The following ATP8A1 variants were observed in gnomAD, a reference collection of about 807,000 sequenced individuals.
ATP8A1 encodes phospholipid-transporting ATPase IA.
A neutral mutation model predicts 177.7 loss-of-function variants in ATP8A1; 90 were observed. The observed-to-expected ratio is 0.51, with a 90% CI of 0.43 to 0.60. ATP8A1 has a LOEUF of 0.60. Among genes scored for constraint, ATP8A1 ranks in the 20% least tolerant of loss-of-function variants. The pLI, the probability that ATP8A1 is intolerant of heterozygous loss-of-function variation, is 0.00. For synonymous variants in ATP8A1, 493 were observed against 485.9 expected, an observed-to-expected ratio of 1.01 and a Z score of -0.19; for missense variants, 1,072 against 1,392.8, an observed-to-expected ratio of 0.77 and a Z score of 3.67.
chr4:42,544,957 C>T lies in ATP8A1; in HGVS notation c.1653-971G>A, dbSNP rs939783601. On this transcript the variant is annotated intron_variant, in intron 19 of 36. Coordinates refer to ENST00000381668, the MANE Select transcript of ATP8A1 (RefSeq NM_006095.2). ...CGGGCGGATCACAAGGTCAGGAGTT[C>T]GAGATCAGCCTGACCAACATGGTGA... is the stretch of plus-strand genomic sequence containing the variant. 3.3e-5 allele frequency among the ~76,000 whole-genome samples: 5 copies of T among 151,910 alleles called. No individual in the cohort carries two copies. The East Asian group carries it at 5.8e-4, about 18-fold the overall frequency.
At chr4:42,540,523 A>G (rs966093684) in intron 20 of ATP8A1, among the ~76,000 whole-genome samples, 5 of 151,350 alleles carry the variant, frequency 3.3e-5, no homozygotes, top group African/African-American at 1.2e-4. Context: ...ATATGGAATT[A>G]ACTTAAGTGT....
In ATP8A1 at chr4:42,564,973, C is replaced by T. The variant is rs538049863; in HGVS notation, c.1340+4188G>A. 3.1e-4 allele frequency among the ~76,000 whole-genome samples: 47 copies of T among 152,250 alleles called. No homozygotes were observed. The South Asian group carries it at 3.9e-3, about 13-fold the overall frequency. ...TCTCGTGACAGTGAATTAAGTCTCA[C>T]GAGATCTTATGGTTATTATAAGGGG... On this transcript the variant is annotated intron_variant, in intron 15 of 36. Coordinates refer to ENST00000381668, the MANE Select transcript of ATP8A1 (RefSeq NM_006095.2).
chr4:42,594,358 T>C, intron 6 of ATP8A1: 3 of 1,570,532 alleles, frequency 1.9e-6, no homozygotes, highest in Non-Finnish European at 2.6e-6. Context: ...ATCTCCAACA[T>C]TTACCTGAAA....
chr4:42,624,391 T>G, intron 4 of ATP8A1, 145 bp downstream of exon 4: 1 of 436,410 alleles, frequency 2.3e-6, no homozygotes, highest in Non-Finnish European at 4.1e-6. Context: ...ACTTCAGGGA[T>G]AGGAACATAT....
chr4:42,578,386 A>G lies in ATP8A1; in HGVS notation c.1002T>C (p.Tyr334=). The change falls in exon 12 of 37, where the codon TAT becomes TAC. Residue 334 remains tyrosine (Y), a splice_region_variant and synonymous_variant. Transcript: ENST00000381668. ...TCAGTCCAAAATTACTAGCGCCACC[A>G]TCTGTTGGGAGAGGCAGGAAGAACG... ...SGKDWYLNLN[Y]GGASNFGLNF... 6.2e-7 allele frequency: 1 copy of G among 1,610,980 alleles called. No individual in the cohort carries two copies. The highest frequency in any genetic ancestry group is 1.1e-5 in the South Asian group (1 of 90,446).
At chr4:42,627,229 G>T in intron 1 of ATP8A1, 120 bp from the exon 2 acceptor site, 1 of 649,914 alleles carries the variant, frequency 1.5e-6, no homozygotes, top group South Asian at 2.1e-5. Context: ...CTTAACTGTT[G>T]TTTCTTTTAT....
intron 20 of ATP8A1, among the ~76,000 whole-genome samples, chr4:42,531,886 A>G (rs947533440): frequency 6.6e-6 from 1 of 152,164 alleles, no homozygotes; most frequent in African/African-American, 2.4e-5. Flanking sequence ...TGGGAGGCTG[A>G]GGTAGGCATT....
At chr4:42,624,676 A>G (rs1211994722) in intron 3 of ATP8A1, 42 bp from the exon 4 acceptor site, 1 of 1,106,012 alleles carries the variant, frequency 9.0e-7, no homozygotes, top group East Asian at 2.7e-5. Flanking sequence ...AATGAGAACT[A>G]GAAAATTTAT....
intron 2 of ATP8A1, chr4:42,626,493 TACTTTTTACATTA>T (rs1738106667): frequency 6.4e-6 from 1 of 155,834 alleles, no homozygotes; most frequent in Non-Finnish European, 1.4e-5. Flanking sequence ...CTTACACAGA[TACTTTTTACATTA>T]TTGTTGGAAT....
At chr4:42,457,736 C>G (rs565307479) in intron 27 of ATP8A1, among the ~76,000 whole-genome samples, 3 of 152,094 alleles carry the variant, frequency 2.0e-5, no homozygotes, top group Non-Finnish European at 4.4e-5. Context: ...AAGGCTACTA[C>G]GAGCTTGAAA....
chr4:42,450,979 C>T (rs1383283465), intron 30 of ATP8A1, among the ~76,000 whole-genome samples: 2 of 152,078 alleles, frequency 1.3e-5, no homozygotes, highest in South Asian at 4.1e-4. Context: ...ACAGGATGAT[C>T]GGGGAAGGCT....
intron 7 of ATP8A1, among the ~76,000 whole-genome samples, chr4:42,590,107 C>G (rs1229605731): frequency 6.6e-6 from 1 of 152,108 alleles, no homozygotes; most frequent in African/African-American, 2.4e-5. Flanking sequence ...ATCTAAAACA[C>G]AAACTAGTCA....
chr4:42,623,313 A>G (rs1737688762), intron 4 of ATP8A1, among the ~76,000 whole-genome samples: 1 of 152,174 alleles, frequency 6.6e-6, no homozygotes, highest in South Asian at 2.1e-4. Flanking sequence ...CTAAAGACAA[A>G]TACCACTTGA....
intron 1 of ATP8A1, among the ~76,000 whole-genome samples, chr4:42,639,639 G>A (rs187584978): frequency 6.6e-6 from 1 of 152,298 alleles, no homozygotes; most frequent in African/African-American, 2.4e-5. Flanking sequence ...ATACATATAT[G>A]TATGTGTAGG....
chr4:42,514,190 T>C (rs975661849), intron 22 of ATP8A1, among the ~76,000 whole-genome samples: 2 of 152,310 alleles, frequency 1.3e-5, no homozygotes, highest in South Asian at 2.1e-4. Flanking sequence ...TTTCAAACCA[T>C]AGAAATCACA....
At chr4:42,492,605 G>A (rs1722843386) in intron 24 of ATP8A1, among the ~76,000 whole-genome samples, 1 of 152,160 alleles carries the variant, frequency 6.6e-6, no homozygotes, top group Admixed American at 6.5e-5. Flanking sequence ...CAAATCTGCT[G>A]CCACCTTGAT....
At position 42,601,281 on chromosome 4, in the gene ATP8A1, C is replaced by T. The variant is rs191071893; in HGVS notation, c.410-763G>A. Among the ~76,000 whole-genome samples the T allele has an allele frequency of 1.4e-4, 22 of 151,736 alleles. No individual in the cohort carries two copies. The East Asian group carries it at 3.3e-3, about 23-fold the overall frequency. On this transcript the variant is annotated intron_variant, in intron 5 of 36. Coordinates refer to ENST00000381668, the MANE Select transcript of ATP8A1 (RefSeq NM_006095.2). ...GAACTCCTGACCTCAAGTGATCTGC[C>T]TGCCTCAGCCTCCCAAAGTGCTTGG...
chr4:42,410,351 C>T lies in ATP8A1; in HGVS notation c.*2565G>A, dbSNP rs970845794. On this transcript the variant is annotated 3_prime_UTR_variant, in exon 37 of 37. Transcript: ENST00000381668. The stretch of plus-strand genomic sequence containing the variant: ...TGTAAAGCAACTGTGTTAGCATTTG[C>T]CAGAGTCCCTATAAGGAACTTTTTA... 1 of 152,126 alleles carries T rather than the reference C, an allele frequency of 6.6e-6. No individual in the cohort carries two copies. The highest frequency in any genetic ancestry group is 2.4e-5 in the African/African-American group (1 of 41,440). The allele number at this position is 152,126 out of a possible 1,614,324, so 9.4% of individuals were successfully genotyped here.
At chr4:42,601,419 G>A (rs977030578) in intron 5 of ATP8A1, among the ~76,000 whole-genome samples, 1 of 151,614 alleles carries the variant, frequency 6.6e-6, no homozygotes, top group Non-Finnish European at 1.5e-5. Flanking sequence ...ATTATGATGG[G>A]GGGTAGGTAT....
Sources: gnomAD v4.1 joint callset for allele counts (sites outside exome capture counted in the v4.1 genomes callset) on GRCh38, gnomAD v4.1.1 for gene constraint, MANE v1.5 for transcripts, NCBI Gene and HGNC (gene_info 2026-07-23, HGNC 2026-07-21) for gene names.